CPA6: variants seen among roughly 807,000 people sequenced by gnomAD.
The protein encoded by CPA6 is carboxypeptidase B.
Under a neutral mutation model 63.3 loss-of-function variants are expected in CPA6, and 58 were observed. That is an observed-to-expected ratio of 0.92 (90% confidence interval 0.74 to 1.14). CPA6 has a LOEUF of 1.14. Among genes scored for constraint, CPA6 ranks in the 50% most tolerant of loss-of-function variants. The pLI, the probability that CPA6 is intolerant of heterozygous loss-of-function variation, is 0.00. For synonymous variants in CPA6, 185 were observed against 179.0 expected (o/e 1.03, Z -0.27); for missense variants, 565 against 526.6 (o/e 1.07, Z -0.71).
chr8:67,692,249 T>A (rs541778099), intron 1 of CPA6, among the ~76,000 whole-genome samples: 1 of 147,352 alleles, frequency 6.8e-6, no homozygotes, highest in Admixed American at 7.0e-5. Context: ...GGCAGGAGAA[T>A]CGCTTGAATC....
chr8:67,607,371 G>T (rs147622899), intron 2 of CPA6, among the ~76,000 whole-genome samples: 4 of 151,764 alleles, frequency 2.6e-5, no homozygotes, highest in Non-Finnish European at 4.4e-5. Flanking sequence ...AAGAGTAGGC[G>T]GGGTGGAAAG....
intron 2 of CPA6, among the ~76,000 whole-genome samples, chr8:67,610,095 C>T (rs1046408242): frequency 6.6e-6 from 1 of 152,072 alleles, no homozygotes; most frequent in African/African-American, 2.4e-5. Flanking sequence ...CATAGTTAGG[C>T]CAGTCACAGT....
chr8:67,478,770 C>T (rs1373751560), intron 8 of CPA6, among the ~76,000 whole-genome samples: 5 of 152,216 alleles, frequency 3.3e-5, no homozygotes, highest in African/African-American at 4.8e-5. Flanking sequence ...GGCATGGTGG[C>T]TTATGCCTGT....
chr8:67,583,823 G>T (rs1813843784), intron 2 of CPA6, among the ~76,000 whole-genome samples: 1 of 152,100 alleles, frequency 6.6e-6, no homozygotes, highest in Non-Finnish European at 1.5e-5. Flanking sequence ...AATAATACGG[G>T]TACTATAGAC....
chr8:67,494,876 T>C (rs368831128), intron 6 of CPA6, among the ~76,000 whole-genome samples: 2 of 152,324 alleles, frequency 1.3e-5, no homozygotes, highest in East Asian at 3.9e-4. Context: ...GAATTTATTC[T>C]TGGTTGTCTG....
At chr8:67,501,641 C>T (rs1488638758) in intron 6 of CPA6, among the ~76,000 whole-genome samples, 1 of 152,062 alleles carries the variant, frequency 6.6e-6, no homozygotes, top group East Asian at 1.9e-4. Context: ...TTCTTGATTG[C>T]TAAATTCTAT....
chr8:67,541,599 T>C (rs1174976903), intron 2 of CPA6, among the ~76,000 whole-genome samples: 1 of 152,154 alleles, frequency 6.6e-6, no homozygotes, highest in African/African-American at 2.4e-5. Context: ...CAGGAATTGC[T>C]CACTCAGGGA....
At chr8:67,660,913 G>T (rs1433281826) in intron 1 of CPA6, among the ~76,000 whole-genome samples, 1 of 152,112 alleles carries the variant, frequency 6.6e-6, no homozygotes, top group Non-Finnish European at 1.5e-5. Flanking sequence ...AGAATTCTGG[G>T]ATTACTGTTG....
At chr8:67,480,608 T>C (rs138445101) in intron 8 of CPA6, among the ~76,000 whole-genome samples, 36 of 151,848 alleles carry the variant, frequency 2.4e-4, no homozygotes, top group Admixed American at 5.2e-4. Flanking sequence ...TTTTGGCTAT[T>C]ATGAATAATA....
intron 1 of CPA6, among the ~76,000 whole-genome samples, chr8:67,680,114 G>T (rs1290968369): frequency 6.6e-6 from 1 of 152,198 alleles, no homozygotes; most frequent in Non-Finnish European, 1.5e-5. Flanking sequence ...GTAGATTAGA[G>T]GTGAGAACGC....
In CPA6 at chr8:67,627,265, CA is replaced by C. The variant is rs749138072; in HGVS notation, c.117-3015del. ...CAAATGCCCTGTTTGTTTCACCAAA[CA>C]AAAAGCTTACTCTCCCTAAATCTGA... On this transcript the variant is annotated intron_variant, in intron 1 of 10. Transcript: ENST00000297770. Among the ~76,000 whole-genome samples the C allele has an allele frequency of 6.6e-5, 10 of 152,208 alleles. 1 individual carries two copies. Among genetic ancestry groups the C allele is most frequent in the Admixed American group, 2.6e-4 (4 of 15,302 alleles).
intron 3 of CPA6, among the ~76,000 whole-genome samples, 200 bp downstream of exon 3, chr8:67,517,723 T>A (rs1812175368): frequency 6.6e-6 from 1 of 152,204 alleles, no homozygotes; most frequent in African/African-American, 2.4e-5. Context: ...AATAGTGAAA[T>A]GAAAGGTCCA....
intron 1 of CPA6, among the ~76,000 whole-genome samples, chr8:67,709,335 T>C (rs1817203807): frequency 6.6e-6 from 1 of 152,318 alleles, no homozygotes. Context: ...TTTACCTCAT[T>C]TCGTTCATGC....
At position 67,441,279 on chromosome 8, in the gene CPA6, A is replaced by G. The variant is rs1810289680; in HGVS notation, c.839-7039T>C. On this transcript the variant is annotated intron_variant, in intron 8 of 10. Coordinates refer to ENST00000297770, the MANE Select transcript of CPA6 (RefSeq NM_020361.5). ...ATTCACAATATCTAAGAATTAAGCT[A>G]TTAAAGAATGCCTGACTATTAGAAA... Among the ~76,000 whole-genome samples, 4 of 152,358 alleles carry G rather than the reference A, an allele frequency of 2.6e-5. No homozygotes were observed. In the South Asian group the frequency reaches 8.3e-4, roughly 32 times the overall value.
At chr8:67,682,916 T>C (rs1462444680) in intron 1 of CPA6, among the ~76,000 whole-genome samples, 3 of 152,256 alleles carry the variant, frequency 2.0e-5, no homozygotes, top group African/African-American at 7.2e-5. Context: ...GGGTTCTTTC[T>C]TCACATGTAT....
chr8:67,603,127 A>T (rs1814539672), intron 2 of CPA6, among the ~76,000 whole-genome samples: 1 of 152,186 alleles, frequency 6.6e-6, no homozygotes, highest in South Asian at 2.1e-4. Flanking sequence ...TTACTTTAAG[A>T]AAATGCTTTT....
chr8:67,703,516 C>A (rs1339047930), intron 1 of CPA6, among the ~76,000 whole-genome samples: 2 of 152,222 alleles, frequency 1.3e-5, no homozygotes, highest in Admixed American at 1.3e-4. Flanking sequence ...TGTGCACCTG[C>A]CAGATCGTCT....
At chr8:67,558,677 A>G (rs1813125586) in intron 2 of CPA6, among the ~76,000 whole-genome samples, 1 of 152,106 alleles carries the variant, frequency 6.6e-6, no homozygotes, top group African/African-American at 2.4e-5. Context: ...AGGGCTAAGC[A>G]TAGTTTTGCT....
chr8:67,678,089 G>A (rs1392316146), intron 1 of CPA6, among the ~76,000 whole-genome samples: 1 of 152,036 alleles, frequency 6.6e-6, no homozygotes, highest in Non-Finnish European at 1.5e-5. Context: ...TTAGCTGAGT[G>A]TGGTGGTGTG....
Sources: allele counts gnomAD v4.1 joint callset (sites outside exome capture counted in the v4.1 genomes callset), GRCh38; gene constraint gnomAD v4.1.1; transcripts MANE v1.5; gene names NCBI Gene and HGNC (gene_info 2026-07-23, HGNC 2026-07-21).